Variants in PTPRD observed in about 807,000 individuals in gnomAD.
The protein encoded by PTPRD is receptor-type tyrosine-protein phosphatase delta.
A neutral mutation model predicts 214.5 loss-of-function variants in PTPRD; 34 were observed. The ratio of observed to expected loss-of-function variants is 0.16; its 90% CI spans 0.12 to 0.21. The LOEUF (loss-of-function observed/expected upper bound fraction) is 0.21. PTPRD is among the 10% of genes least tolerant of loss of function. The probability of loss-of-function intolerance (pLI) is 1.00; values close to 1 mark genes in which losing one functional copy is unlikely to be tolerated. For synonymous variants in PTPRD, 1,128 were observed against 845.7 expected, an observed-to-expected ratio of 1.33 and a Z score of -5.79; for missense variants, 2,545 against 2,398.7, an observed-to-expected ratio of 1.06 and a Z score of -1.27.
At chr9:9,580,751 G>T (rs111721875) in intron 7 of PTPRD, among the ~76,000 whole-genome samples, 4,979 of 151,812 alleles carry the variant, frequency 0.033, 229 homozygotes, top group African/African-American at 0.1. Context: ...CTTTCAGCAC[G>T]TTGGCCAGGG....
At chr9:8,484,478 G>C (rs2096954946) in intron 29 of PTPRD, 100 bp from the exon 30 acceptor site, 3 of 1,201,334 alleles carry the variant, frequency 2.5e-6, no homozygotes, top group South Asian at 1.6e-5. Flanking sequence ...TGTATATATA[G>C]TCAATTCTAA....
chr9:8,841,374 G>C (rs2097554293), intron 11 of PTPRD, among the ~76,000 whole-genome samples: 1 of 152,100 alleles, frequency 6.6e-6, no homozygotes, highest in African/African-American at 2.4e-5. Context: ...TTCTGTCCTT[G>C]CAATCAATCA....
At chr9:8,912,196 T>C (rs1488113752) in intron 11 of PTPRD, among the ~76,000 whole-genome samples, 1 of 152,136 alleles carries the variant, frequency 6.6e-6, no homozygotes, top group Non-Finnish European at 1.5e-5. Flanking sequence ...CATGTAAAAA[T>C]ATGTATGCAA....
chr9:9,888,773 T>C (rs1262780993), intron 5 of PTPRD, among the ~76,000 whole-genome samples: 6 of 152,088 alleles, frequency 3.9e-5, no homozygotes, highest in South Asian at 2.1e-4. Context: ...GCCTCAAGTG[T>C]TCCTTTATAG....
At chr9:8,768,547 TG>T (rs569412887) in intron 11 of PTPRD, among the ~76,000 whole-genome samples, 174 of 152,224 alleles carry the variant, frequency 1.1e-3, no homozygotes, top group Non-Finnish European at 2.1e-3. Flanking sequence ...AGCAAGATCC[TG>T]TCTCAAAATA....
chr9:8,496,204 ACACACAAAC>A (rs1563828047), intron 26 of PTPRD, among the ~76,000 whole-genome samples: 2,145 of 143,596 alleles, frequency 0.015, 17 homozygotes, highest in Middle Eastern at 0.041. Context: ...ACACACACAC[ACACACAAAC>A]ACACACACAC....
intron 7 of PTPRD, among the ~76,000 whole-genome samples, chr9:9,654,840 G>C (rs372192488): frequency 2.0e-5 from 3 of 151,986 alleles, no homozygotes; most frequent in East Asian, 3.9e-4. Flanking sequence ...GATACTGAAG[G>C]CATCCCTATA....
chr9:10,031,647 T>C lies in PTPRD; in HGVS notation c.-472+2071A>G, dbSNP rs10958831. Among the ~76,000 whole-genome samples the C allele has an allele frequency of 8.7e-3, 781 of 89,676 alleles. 77 individuals are homozygous for C. Among genetic ancestry groups the C allele is most frequent in the African/African-American group, 0.049 (604 of 12,388 alleles). 58.8% of individuals were successfully genotyped at this position (89,676 alleles called of 152,430 possible). A position where few individuals can be genotyped will look rare whatever the true frequency, so the allele number is the denominator to read the frequency against. On this transcript the variant is annotated intron_variant, in intron 4 of 45. Transcript: ENST00000381196. ...CTCCATATATATATATATATATATA[T>C]ACACACACACACACACACATACACA...
Position 9,944,687 on chromosome 9 carries a change from C to G in PTPRD, c.-471-6077G>C, listed in dbSNP as rs1013376778. Among the ~76,000 whole-genome samples, 3 of 151,158 alleles carry G rather than the reference C, an allele frequency of 2.0e-5. No individual in the cohort carries two copies. The East Asian group carries it at 5.8e-4, about 29-fold the overall frequency. ...GCATACATAGATTGCTTAAAAACAG[C>G]AAGAAATCCAGCTTTTTTTTTTCCA... On this transcript the variant is annotated intron_variant, in intron 4 of 45. Transcript: ENST00000381196.
Position 9,105,940 on chromosome 9 carries a change from G to C in PTPRD, c.-143+77364C>G, listed in dbSNP as rs1452448978. On this transcript the variant is annotated intron_variant, in intron 10 of 45. Transcript: ENST00000381196. ...TACATTCAGGGTTGGGAAGTGGAGG[G>C]AAGCATTCAACTTCCTAAGGCAGAA... Among the ~76,000 whole-genome samples, 6 of 152,148 alleles carry C rather than the reference G, an allele frequency of 3.9e-5. No individual in the cohort carries two copies. In the East Asian group the frequency reaches 1.2e-3, roughly 29 times the overall value.
chr9:9,298,491 G>A (rs1213931067), intron 9 of PTPRD, among the ~76,000 whole-genome samples: 3 of 151,588 alleles, frequency 2.0e-5, no homozygotes, highest in Non-Finnish European at 3.0e-5. Context: ...TGGCTTAAAC[G>A]GGACAGAAAA....
intron 8 of PTPRD, among the ~76,000 whole-genome samples, chr9:9,479,228 CCA>C (rs1181768842): frequency 7.4e-4 from 82 of 110,502 alleles, no homozygotes; most frequent in South Asian, 4.9e-3. Flanking sequence ...CCCCCCCCCC[CCA>C]CACACACACC....
In PTPRD at chr9:8,484,170, T is replaced by C. The variant is rs755535024; in HGVS notation, c.3362A>G (p.Asp1121Gly). 2 of 1,614,210 alleles carry C rather than the reference T, an allele frequency of 1.2e-6. No individual in the cohort carries two copies. Among genetic ancestry groups the C allele is most frequent in the East Asian group, 2.2e-5 (1 of 44,874 alleles). ...AGGCAGTTGCACAGTAATCATGCCA[T>C]CCAAGTTGGTCTTCCCAATGAAGGC... is the stretch of plus-strand genomic sequence containing the variant. ...KPAFIGKTNL[D>G]GMITVQLPEV... is the part of the protein sequence containing the mutation. Residue 1121 changes from aspartate (D) to glycine (G), a missense_variant, in exon 30 of 46, where the codon GAT becomes GGT. Coordinates refer to ENST00000381196, the MANE Select transcript of PTPRD (RefSeq NM_002839.4).
chr9:9,331,357 G>T (rs953144983), intron 9 of PTPRD, among the ~76,000 whole-genome samples: 4 of 152,002 alleles, frequency 2.6e-5, no homozygotes, highest in African/African-American at 9.7e-5. Flanking sequence ...TAGTATGATT[G>T]CCTGGCTCAT....
At chr9:9,352,272 T>G (rs2051540399) in intron 9 of PTPRD, among the ~76,000 whole-genome samples, 1 of 151,472 alleles carries the variant, frequency 6.6e-6, no homozygotes, top group African/African-American at 2.4e-5. Context: ...GAAATTTAGG[T>G]TGATAGCTCG....
chr9:10,120,006 C>T (rs969617080), intron 3 of PTPRD, among the ~76,000 whole-genome samples: 5 of 151,950 alleles, frequency 3.3e-5, no homozygotes, highest in African/African-American at 1.2e-4. Flanking sequence ...TTGGAAATCT[C>T]AGGATAGTGA....
chr9:10,239,649 T>C (rs2099640644), intron 3 of PTPRD, among the ~76,000 whole-genome samples: 1 of 151,902 alleles, frequency 6.6e-6, no homozygotes, highest in African/African-American at 2.4e-5. Context: ...ATGCATATCA[T>C]TGCTGAGAGC....
chr9:9,976,334 T>A (rs1051415729), intron 4 of PTPRD, among the ~76,000 whole-genome samples: 2 of 152,092 alleles, frequency 1.3e-5, no homozygotes, highest in Non-Finnish European at 2.9e-5. Context: ...ACAAAAAATA[T>A]ACTTTGTCAC....
At chr9:9,318,224 C>CCA (rs749088716) in intron 9 of PTPRD, among the ~76,000 whole-genome samples, 2 of 127,068 alleles carry the variant, frequency 1.6e-5, no homozygotes, top group African/African-American at 5.7e-5. Flanking sequence ...AACAAAAAAC[C>CCA]AAAAAAAAAA....
Sources: allele counts gnomAD v4.1 joint callset (sites outside exome capture counted in the v4.1 genomes callset), GRCh38; gene constraint gnomAD v4.1.1; transcripts MANE v1.5; gene names NCBI Gene and HGNC (gene_info 2026-07-23, HGNC 2026-07-21).